Variants in ATXN3 observed in about 807,000 individuals in gnomAD.
The protein encoded by ATXN3 is ataxin 3, also known as ataxin-3.
Under a neutral mutation model 58.2 loss-of-function variants are expected in ATXN3, and 28 were observed. The ratio of observed to expected loss-of-function variants is 0.48; its 90% confidence interval spans 0.36 to 0.66. The LOEUF (loss-of-function observed/expected upper bound fraction) is 0.66. Ranked by LOEUF, ATXN3 falls within the 30% of genes least tolerant of loss-of-function variation. ATXN3 has a pLI of 0.00. For missense variants in ATXN3, 321 were observed against 422.1 expected (o/e 0.76, Z 2.10); for synonymous variants, 113 against 138.5 (o/e 0.82, Z 1.29).
At chr14:92,077,349 TTTC>T (rs2060583966) in intron 9 of ATXN3, among the ~76,000 whole-genome samples, 1 of 115,176 alleles carries the variant, frequency 8.7e-6, no homozygotes, top group Non-Finnish European at 1.7e-5. Flanking sequence ...GAGAGTATGC[TTTC>T]TTTTTTTTTT....
At chr14:92,089,748 A>C (rs2063376571) in intron 5 of ATXN3, among the ~76,000 whole-genome samples, 1 of 152,260 alleles carries the variant, frequency 6.6e-6, no homozygotes, top group Non-Finnish European at 1.5e-5. Context: ...ATTAATAGCT[A>C]TAATTAAATC....
At position 92,081,004 on chromosome 14, in the gene ATXN3, GAAGTAA is replaced by G; in HGVS notation, c.827_832del (p.Leu276_Ser278delinsPro). The G allele has an allele frequency of 6.2e-7, 1 of 1,612,900 alleles. No homozygotes were observed. Among genetic ancestry groups the G allele is most frequent in the South Asian group, 1.1e-5 (1 of 91,032 alleles). The stretch of plus-strand genomic sequence containing the variant: ...TTCTCGTCTCTTCCGAAGCTCTTCT[GAAGTAA>G]GATTTGTACCTGATGTCTGTGTCAT... On this transcript the variant is annotated inframe_deletion, in exon 9 of 11. Coordinates refer to ENST00000644486, the MANE Select transcript of ATXN3 (RefSeq NM_004993.6).
chr14:92,056,073 G>A (rs915961251), downstream of ATXN3, among the ~76,000 whole-genome samples: 2 of 152,174 alleles, frequency 1.3e-5, no homozygotes, highest in Non-Finnish European at 2.9e-5. Context: ...AATGGATCTG[G>A]AGAAGGCACG....
chr14:92,057,713 A>T (rs1208879102), downstream of ATXN3, among the ~76,000 whole-genome samples: 1 of 152,184 alleles, frequency 6.6e-6, no homozygotes, highest in African/African-American at 2.4e-5. Flanking sequence ...TATATTCCTC[A>T]ATCAGTCTAG....
chr14:92,105,860 T>C (rs552474831), intron 1 of ATXN3, among the ~76,000 whole-genome samples: 1 of 152,066 alleles, frequency 6.6e-6, no homozygotes, highest in South Asian at 2.1e-4. Flanking sequence ...AAGATGGGAG[T>C]ACCAAAAGAA....
At chr14:92,074,808 T>G (rs1424379057) in intron 9 of ATXN3, among the ~76,000 whole-genome samples, 1 of 152,192 alleles carries the variant, frequency 6.6e-6, no homozygotes, top group Non-Finnish European at 1.5e-5. Context: ...TAGCAATCCA[T>G]GTCCATGAAG....
At position 92,064,249 on chromosome 14, in the gene ATXN3, G is replaced by C. The variant is rs1400142977; in HGVS notation, c.*71C>G. The C allele has an allele frequency of 8.9e-7, 1 of 1,122,680 alleles. No homozygotes were observed. Among genetic ancestry groups the C allele is most frequent in the Non-Finnish European group, 1.3e-6 (1 of 766,056 alleles). 69.5% of individuals were successfully genotyped at this position (1,122,680 alleles called of 1,614,324 possible). A position where few individuals can be genotyped will look rare whatever the true frequency, so the allele number is the denominator to read the frequency against. The stretch of plus-strand genomic sequence containing the variant: ...CTCATCTCTTTGACACATTACCAAA[G>C]TGGACCCTATGCTGTAATCACACAG... On this transcript the variant is annotated 3_prime_UTR_variant, in exon 11 of 11. Transcript: ENST00000644486.
chr14:92,102,443 C>T (rs369643233), intron 1 of ATXN3, among the ~76,000 whole-genome samples: 1 of 152,138 alleles, frequency 6.6e-6, no homozygotes, highest in Admixed American at 6.5e-5. Context: ...TCATTTACCC[C>T]CAACCTCCCC....
intron 2 of ATXN3, 114 bp from the exon 3 acceptor site, chr14:92,096,251 T>C: frequency 6.3e-7 from 1 of 1,596,760 alleles, no homozygotes; most frequent in South Asian, 1.1e-5. Context: ...TTTCCAAAGT[T>C]AACAGCACAG....
chr14:92,047,911 T>C (rs1356984473), exon 2 of ATXN3: 1 of 152,140 alleles, frequency 6.6e-6, no homozygotes, highest in Non-Finnish European at 1.5e-5. Context: ...ACTGTAAGAG[T>C]TATCCAAAGC....
intron 6 of ATXN3, among the ~76,000 whole-genome samples, chr14:92,087,537 A>C (rs2062854275): frequency 6.6e-6 from 1 of 152,226 alleles, no homozygotes; most frequent in Non-Finnish European, 1.5e-5. Context: ...TTTTTTAGCC[A>C]CGTCCAGCTA....
chr14:92,066,090 T>TAA (rs112122875), intron 10 of ATXN3, among the ~76,000 whole-genome samples: 3 of 143,044 alleles, frequency 2.1e-5, no homozygotes, highest in African/African-American at 7.7e-5. Flanking sequence ...AGTGTAATAC[T>TAA]AAAAAAAAAA....
In ATXN3 at chr14:92,058,907, TTAGA is replaced by T. The variant is rs552042048; in HGVS notation, c.*5409_*5412del. 89 of 151,776 alleles carry T rather than the reference TTAGA, an allele frequency of 5.9e-4. No homozygotes were observed. The highest frequency in any genetic ancestry group is 2.1e-3 in the African/African-American group (87 of 41,376). 9.4% of individuals were successfully genotyped at this position (151,776 alleles called of 1,614,324 possible). A position where few individuals can be genotyped will look rare whatever the true frequency, so the allele number is the denominator to read the frequency against. ...TCCTAATAGCCCAGTGTTGTAAAAA[TTAGA>T]TAATCACATTTAAAAATGTATGTTT... On this transcript the variant is annotated 3_prime_UTR_variant, in exon 11 of 11. Transcript: ENST00000644486.
downstream of ATXN3, chr14:92,058,407 C>T (rs1181393944): frequency 6.6e-6 from 1 of 152,250 alleles, no homozygotes; most frequent in African/African-American, 2.4e-5. Context: ...TCATAGCTCA[C>T]TGCAGCCTCG....
At chr14:92,077,486 AC>A (rs1236569341) in intron 9 of ATXN3, 2 of 151,956 alleles carry the variant, frequency 1.3e-5, no homozygotes, top group African/African-American at 4.8e-5. Flanking sequence ...AGCTGGGACT[AC>A]AGGTGCCTGC....
chr14:92,082,183 T>C, intron 8 of ATXN3, 117 bp downstream of exon 8: 1 of 1,157,366 alleles, frequency 8.6e-7, no homozygotes, highest in Non-Finnish European at 1.2e-6. Flanking sequence ...TATATAGCTA[T>C]TGCTTCTGCA....
intron 1 of ATXN3, among the ~76,000 whole-genome samples, chr14:92,098,531 G>A (rs932519141): frequency 6.6e-6 from 1 of 152,126 alleles, no homozygotes; most frequent in African/African-American, 2.4e-5. Flanking sequence ...AGCCTGCAGT[G>A]AGCCAAGACC....
Position 92,064,317 on chromosome 14 carries a change from G to GT in ATXN3, c.*2dup. ...TGAATATCTAAATTATTTTTTAAAG[G>GT]TATTATTTTTTTCCTTCTGTTTTCA... On this transcript the variant is annotated 3_prime_UTR_variant, in exon 11 of 11. Coordinates refer to ENST00000644486, the MANE Select transcript of ATXN3 (RefSeq NM_004993.6). 1 of 1,579,826 alleles carries GT rather than the reference G, an allele frequency of 6.3e-7. No individual in the cohort carries two copies. Among genetic ancestry groups the GT allele is most frequent in the Non-Finnish European group, 8.7e-7 (1 of 1,149,848 alleles).
chr14:92,071,548 G>GC, intron 9 of ATXN3: 1 of 326,072 alleles, frequency 3.1e-6, no homozygotes, highest in South Asian at 2.5e-5. Context: ...AGTGAGCCAA[G>GC]ATCGCGCCAC....
Sources: gnomAD v4.1 joint callset for allele counts (sites outside exome capture counted in the v4.1 genomes callset) on GRCh38, gnomAD v4.1.1 for gene constraint, MANE v1.5 for transcripts, NCBI Gene and HGNC (gene_info 2026-07-23, HGNC 2026-07-21) for gene names.